Variants in LINGO2 observed in about 807,000 individuals in gnomAD.
LINGO2 encodes the protein leucine-rich repeat and immunoglobulin-like domain-containing nogo receptor-interacting protein 2.
Under a neutral mutation model 30.6 loss-of-function variants are expected in LINGO2, and 14 were observed. The ratio of observed to expected loss-of-function variants is 0.46; its 90% confidence interval spans 0.30 to 0.72. The LOEUF is 0.72. Ranked by LOEUF, LINGO2 falls within the 30% of genes least tolerant of loss-of-function variation. The probability of loss-of-function intolerance (pLI) is 0.07; values close to 1 mark genes in which losing one functional copy is unlikely to be tolerated. For synonymous variants in LINGO2, 317 were observed against 288.5 expected (o/e 1.10, Z -1.00); for missense variants, 729 against 751.7 (o/e 0.97, Z 0.35).
At chr9:28,348,151 T>C (rs1400781818) in intron 3 of LINGO2, among the ~76,000 whole-genome samples, 1 of 152,134 alleles carries the variant, frequency 6.6e-6, no homozygotes, top group Non-Finnish European at 1.5e-5. Context: ...GGAGCCAAGA[T>C]GGCCGAATAG....
the LINGO2 span, among the ~76,000 whole-genome samples, chr9:29,089,661 CT>C: frequency 6.6e-6 from 1 of 152,022 alleles, no homozygotes; most frequent in Non-Finnish European, 1.5e-5. Flanking sequence ...CACCTTCTAA[CT>C]GAAAAGGTGG....
chr9:28,645,394 G>C (rs1827793112), intron 1 of LINGO2, among the ~76,000 whole-genome samples: 1 of 152,040 alleles, frequency 6.6e-6, no homozygotes, highest in Non-Finnish European at 1.5e-5. Context: ...TCAATCCCAT[G>C]GTATTTAAAA....
At chr9:29,049,261 T>A in the LINGO2 span, among the ~76,000 whole-genome samples, 1 of 152,168 alleles carries the variant, frequency 6.6e-6, no homozygotes, top group East Asian at 1.9e-4. Flanking sequence ...AAAGCTACAA[T>A]GAGATATTAT....
At chr9:28,167,122 CT>C (rs1828449467) in intron 4 of LINGO2, among the ~76,000 whole-genome samples, 1 of 148,122 alleles carries the variant, frequency 6.8e-6, no homozygotes, top group African/African-American at 2.5e-5. Flanking sequence ...ATTCCTGGAG[CT>C]TTTACTTAAT....
intron 4 of LINGO2, among the ~76,000 whole-genome samples, chr9:28,166,733 C>T (rs1828436675): frequency 6.7e-6 from 1 of 148,470 alleles, no homozygotes. Flanking sequence ...ATGATATTTC[C>T]TTTTTTTTTT....
At chr9:28,932,176 G>A in the LINGO2 span, among the ~76,000 whole-genome samples, 2 of 127,354 alleles carry the variant, frequency 1.6e-5, no homozygotes, top group Non-Finnish European at 3.4e-5. Context: ...GGGGGCCGGG[G>A]GGGATCTTGG....
intron 4 of LINGO2, among the ~76,000 whole-genome samples, chr9:28,213,468 T>C (rs534494803): frequency 1.3e-5 from 2 of 151,568 alleles, no homozygotes; most frequent in East Asian, 3.9e-4. Context: ...TAAGCCAGCA[T>C]GCCTTTCTTC....
At chr9:28,841,944 G>A in the LINGO2 span, among the ~76,000 whole-genome samples, 2 of 151,870 alleles carry the variant, frequency 1.3e-5, no homozygotes, top group South Asian at 4.1e-4. Context: ...AATGAGGTTT[G>A]GGGGTAGGAG....
intron 2 of LINGO2, among the ~76,000 whole-genome samples, chr9:28,417,570 C>T (rs953870991): frequency 6.6e-6 from 1 of 151,932 alleles, no homozygotes; most frequent in Non-Finnish European, 1.5e-5. Flanking sequence ...TTTGTGGTTC[C>T]CTGCAGAAAC....
intron 4 of LINGO2, among the ~76,000 whole-genome samples, chr9:28,126,209 C>A (rs904136865): frequency 6.6e-6 from 1 of 152,112 alleles, no homozygotes; most frequent in Non-Finnish European, 1.5e-5. Flanking sequence ...AGTAAAATTT[C>A]ATATCTAAAG....
intron 4 of LINGO2, among the ~76,000 whole-genome samples, chr9:28,104,901 G>A (rs946480084): frequency 3.3e-5 from 5 of 151,512 alleles, no homozygotes; most frequent in Admixed American, 2.6e-4. Flanking sequence ...GGCCCCCACC[G>A]ACCCACACAC....
intron 1 of LINGO2, among the ~76,000 whole-genome samples, chr9:28,495,999 G>C (rs1202163166): frequency 3.3e-5 from 5 of 152,044 alleles, no homozygotes; most frequent in African/African-American, 9.7e-5. Context: ...CTGAGTTCTA[G>C]TTTGATTGCA....
chr9:28,999,406 G>A, the LINGO2 span, among the ~76,000 whole-genome samples: 1 of 152,156 alleles, frequency 6.6e-6, no homozygotes, highest in East Asian at 1.9e-4. Context: ...TCAGCCAACT[G>A]TGATTCTTTC....
At chr9:28,481,989 T>G (rs956160280) in intron 1 of LINGO2, among the ~76,000 whole-genome samples, 3 of 152,312 alleles carry the variant, frequency 2.0e-5, no homozygotes, top group Admixed American at 2.0e-4. Flanking sequence ...TTCCATGGTG[T>G]ATATGTGTCA....
chr9:29,194,733 A>C, the LINGO2 span, among the ~76,000 whole-genome samples: 1 of 152,128 alleles, frequency 6.6e-6, no homozygotes, highest in Admixed American at 6.5e-5. Flanking sequence ...TTTGAAATTC[A>C]CCCTCAAATA....
rs527996460 is a variant in LINGO2 at position 28,177,540 on chromosome 9, G to A, written c.-87+117668C>T. Reference sequence around the variant, plus strand: ...GTTCCCCAGTTAAATGAAAATAAAAGAAGTACCTACCTCATAGGGTTAATT... The same window carrying A: ...GTTCCCCAGTTAAATGAAAATAAAAAAAGTACCTACCTCATAGGGTTAATT... On this transcript the variant is annotated intron_variant, in intron 4 of 5. Transcript: ENST00000379992. Among the ~76,000 whole-genome samples the A allele has an allele frequency of 2.2e-3, 339 of 152,222 alleles. 4 individuals carry two copies. Among genetic ancestry groups the A allele is most frequent in the Non-Finnish European group, 3.0e-3 (206 of 67,998 alleles).
chr9:28,829,556 T>C, the LINGO2 span, among the ~76,000 whole-genome samples: 1 of 152,322 alleles, frequency 6.6e-6, no homozygotes, highest in African/African-American at 2.4e-5. Context: ...AGTGTTTGCT[T>C]TATCAAATAA....
chr9:28,149,261 G>T (rs1376724367), intron 4 of LINGO2: 3 of 672,052 alleles, frequency 4.5e-6, no homozygotes, highest in East Asian at 5.5e-5. Context: ...AGGCCCAGGC[G>T]GGCGGATCAG....
the LINGO2 span, among the ~76,000 whole-genome samples, chr9:28,861,577 A>AAAAAT: frequency 9.5e-4 from 144 of 150,918 alleles, no homozygotes; most frequent in African/African-American, 2.5e-3. Context: ...GTGTTGCTAC[A>AAAAAT]AAAATAAAAT....
Sources: gnomAD v4.1 joint callset for allele counts (sites outside exome capture counted in the v4.1 genomes callset) on GRCh38, gnomAD v4.1.1 for gene constraint, MANE v1.5 for transcripts, NCBI Gene and HGNC (gene_info 2026-07-23, HGNC 2026-07-21) for gene names.